The following CNP variants were observed in gnomAD, a reference collection of about 807,000 sequenced individuals.
The protein encoded by CNP is 2',3'-cyclic nucleotide 3' phosphodiesterase.
In CNP, 8 loss-of-function variants were observed where a neutral mutation model predicts 37.9. The ratio of observed to expected loss-of-function variants is 0.21; its 90% CI spans 0.12 to 0.38. CNP has a LOEUF of 0.38. Among genes scored for constraint, CNP ranks in the 10% least tolerant of loss-of-function variants. CNP has a pLI of 1.00. For missense variants in CNP, 457 were observed against 551.0 expected (o/e 0.83, Z 1.71); for synonymous variants, 237 against 238.3 (o/e 0.99, Z 0.05).
At chr17:41,971,835 C>T (rs913234568) in intron 2 of CNP, 57 bp from the exon 3 acceptor site, 21 of 1,600,956 alleles carry the variant, frequency 1.3e-5, no homozygotes, top group African/African-American at 8.1e-5. Flanking sequence ...GTCCTGGTGG[C>T]GGATGTTGGT....
Position 41,973,686 on chromosome 17 carries a change from A to C in CNP, c.1028A>C (p.Gln343Pro). 6.2e-7 allele frequency: 1 copy of C among 1,613,776 alleles called. No individual in the cohort carries two copies. The highest frequency in any genetic ancestry group is 8.5e-7 in the Non-Finnish European group (1 of 1,179,864). The part of the protein sequence containing the change: ...LGCAADVEAV[Q>P]TGLDLLEILR... ...TGTGCAGCTGACGTAGAGGCCGTGCAGACGGGCCTTGACCTCTTAGAGATT... is the reference window on the plus strand; with the variant it reads ...TGTGCAGCTGACGTAGAGGCCGTGCCGACGGGCCTTGACCTCTTAGAGATT... Residue 343 changes from glutamine to proline, a missense_variant, in exon 4 of 4, where the codon CAG becomes CCG. Gln to Pro is a moderately conservative substitution (Grantham distance 76). Around this residue, in one of 2 missense-constraint regions of CNP, gnomAD observed 291 missense variants for 291.7 expected, o/e 1.00. Transcript: ENST00000393892.
intron 2 of CNP, chr17:41,971,259 G>A (rs1555643752): frequency 1.3e-5 from 2 of 152,544 alleles, no homozygotes; most frequent in African/African-American, 4.8e-5. Flanking sequence ...CACTTCCCAT[G>A]ACTTGCTTCC....
At position 41,976,744 on chromosome 17, in the gene CNP, GA is replaced by G; in HGVS notation, c.*2826del. ...GTGGTTGCCCTTCATTAGCCAAATT[GA>G]AAAAAGAAATTCCCTGGACCAGATG... On this transcript the variant is annotated 3_prime_UTR_variant, in exon 4 of 4. Transcript: ENST00000393892. The G allele has an allele frequency of 6.2e-7, 1 of 1,608,918 alleles. No individual in the cohort carries two copies.
At chr17:41,972,107 G>A in intron 3 of CNP, 76 bp downstream of exon 3, 1 of 1,563,488 alleles carries the variant, frequency 6.4e-7, no homozygotes, top group East Asian at 2.3e-5. Flanking sequence ...CTGAAGATAG[G>A]TACCGGTGCC....
At position 41,968,673 on chromosome 17, in the gene CNP, C is replaced by A. The variant is rs1555643318; in HGVS notation, c.609C>A (p.Arg203=). ...FLTKKSSETL[R]KAGQVFLEEL... ...CCAAGAAGAGCTCTGAGACCCTCCGCAAAGCCGGCCAGGTCTTCCTGGAAG... is the reference window on the plus strand; with the variant it reads ...CCAAGAAGAGCTCTGAGACCCTCCGAAAAGCCGGCCAGGTCTTCCTGGAAG... Residue 203 remains arginine (R), a synonymous_variant, in exon 2 of 4, where the codon CGC becomes CGA. Transcript: ENST00000393892. The surrounding 1 kb of genome is among the most constrained non-coding windows in gnomAD (Gnocchi z 4.8). The A allele has an allele frequency of 1.2e-6, 2 of 1,614,106 alleles. No individual in the cohort carries two copies. Among genetic ancestry groups the A allele is most frequent in the Admixed American group, 1.7e-5 (1 of 60,016 alleles).
chr17:41,976,579 C>T lies in CNP; in HGVS notation c.*2655C>T, dbSNP rs2051085634. ...TCTTCGGCATTGGTTCCCTTTGCTC[C>T]ACCCCACTCACAGAGACACAGGGCA... On this transcript the variant is annotated 3_prime_UTR_variant, in exon 4 of 4. Coordinates refer to ENST00000393892, the MANE Select transcript of CNP (RefSeq NM_033133.5). 5.2e-6 allele frequency: 5 copies of T among 953,354 alleles called. No homozygotes were observed. Among genetic ancestry groups the T allele is most frequent in the Non-Finnish European group, 6.1e-6 (4 of 655,704 alleles). 59.1% of individuals were successfully genotyped at this position (953,354 alleles called of 1,614,324 possible). A position where few individuals can be genotyped will look rare whatever the true frequency, so the allele number is the denominator to read the frequency against.
chr17:41,969,435 T>C (rs530185285), intron 2 of CNP, among the ~76,000 whole-genome samples: 7 of 152,216 alleles, frequency 4.6e-5, no homozygotes, highest in South Asian at 2.1e-4. Flanking sequence ...GGCTTTTTGC[T>C]CCAATGATAG....
chr17:41,974,091 GCCCT>G lies in CNP; in HGVS notation c.*169_*172del. 1.8e-6 allele frequency: 1 copy of G among 557,834 alleles called. No homozygotes were observed. Among genetic ancestry groups the G allele is most frequent in the South Asian group, 4.1e-5 (1 of 24,312 alleles). 34.6% of individuals were successfully genotyped at this position (557,834 alleles called of 1,614,324 possible). On this transcript the variant is annotated 3_prime_UTR_variant, in exon 4 of 4. Transcript: ENST00000393892. ...AATAACTGACCCTCCCTTCCTGTCC[GCCCT>G]CTTCCCCTCTAATGCTCACGCTCCC...
chr17:41,971,863 C>G (rs1261811526), intron 2 of CNP, 29 bp from the exon 3 acceptor site: 9 of 1,613,342 alleles, frequency 5.6e-6, no homozygotes, highest in Non-Finnish European at 7.6e-6. Context: ...TGCTCCCCTG[C>G]CCTGACTGCA....
Position 41,968,520 on chromosome 17 carries a change from G to C in CNP, c.456G>C (p.Thr152=), listed in dbSNP as rs782194952. 6.2e-7 allele frequency: 1 copy of C among 1,614,132 alleles called. No homozygotes were observed. Among genetic ancestry groups the C allele is most frequent in the Non-Finnish European group, 8.5e-7 (1 of 1,180,032 alleles). ...QYQVVLVEPK[T]AWRLDCAQLK... ...AGGTGGTGCTGGTGGAGCCCAAGAC[G>C]GCGTGGCGGCTGGACTGTGCCCAGC... Residue 152 remains threonine (T), a synonymous_variant, in exon 2 of 4, where the codon ACG becomes ACC. Coordinates refer to ENST00000393892, the MANE Select transcript of CNP (RefSeq NM_033133.5). This position sits in a 1 kb window ranked among gnomAD's most constrained non-coding sequence, Gnocchi z 4.8.
intron 3 of CNP, among the ~76,000 whole-genome samples, chr17:41,973,037 G>A (rs542396363): frequency 7.9e-5 from 12 of 152,204 alleles, no homozygotes; most frequent in African/African-American, 2.7e-4. Flanking sequence ...GAAGCTGAGC[G>A]GTGCCAACAG....
Position 41,977,016 on chromosome 17 carries a change from C to G in CNP, c.*3092C>G. The G allele has an allele frequency of 1.6e-6, 1 of 642,956 alleles. No homozygotes were observed. The highest frequency in any genetic ancestry group is 2.7e-6 in the Non-Finnish European group (1 of 375,226). The allele number at this position is 642,956 out of a possible 1,614,324, so 39.8% of individuals were successfully genotyped here. A position where few individuals can be genotyped will look rare whatever the true frequency, so the allele number is the denominator to read the frequency against. On this transcript the variant is annotated 3_prime_UTR_variant, in exon 4 of 4. Coordinates refer to ENST00000393892, the MANE Select transcript of CNP (RefSeq NM_033133.5). ...TTGCTCTTGCAGAGAAGCCTTGGTA[C>G]TAGGCAGTTAGAGATGCCTCCCTGA...
At chr17:41,969,115 C>G (rs1036973148) in intron 2 of CNP, among the ~76,000 whole-genome samples, 1 of 152,150 alleles carries the variant, frequency 6.6e-6, no homozygotes, top group African/African-American at 2.4e-5. Context: ...GGAATCAAGC[C>G]CAGTGTTTTC....
In CNP at chr17:41,968,259, G is replaced by A. The variant is rs2050932650; in HGVS notation, c.195G>A (p.Thr65=). ...GCCTGCCAGGAAGCGGCAAGTCCAC[G>A]CTGGCACGGGTCATCGTGGACAAGT... ...LRGLPGSGKS[T]LARVIVDKYR... is the part of the protein sequence containing the mutation. Residue 65 remains threonine, a synonymous_variant, in exon 2 of 4, where the codon ACG becomes ACA. Coordinates refer to ENST00000393892, the MANE Select transcript of CNP (RefSeq NM_033133.5). This position sits in a 1 kb window ranked among gnomAD's most constrained non-coding sequence, Gnocchi z 4.8. The A allele has an allele frequency of 6.2e-7, 1 of 1,614,000 alleles. No homozygotes were observed. Among genetic ancestry groups the A allele is most frequent in the Admixed American group, 1.7e-5 (1 of 59,988 alleles).
In CNP at chr17:41,966,803, A is replaced by G. The variant is rs1376765157; in HGVS notation, c.-82A>G. The G allele has an allele frequency of 7.4e-6, 10 of 1,354,332 alleles. No individual in the cohort carries two copies. The highest frequency in any genetic ancestry group is 1.5e-5 in the African/African-American group (1 of 65,324). 83.9% of individuals were successfully genotyped at this position (1,354,332 alleles called of 1,614,324 possible). A position where few individuals can be genotyped will look rare whatever the true frequency, so the allele number is the denominator to read the frequency against. ...CGGGCTCGGGTCGTGCCACCGCTGG[A>G]CTCCCGTGTCCCTCCGCGCAGGCGG... On this transcript the variant is annotated 5_prime_UTR_variant, in exon 1 of 4. Transcript: ENST00000393892.
Position 41,976,533 on chromosome 17 carries a change from G to C in CNP, c.*2609G>C. On this transcript the variant is annotated 3_prime_UTR_variant, in exon 4 of 4. Transcript: ENST00000393892. ...ACAAGCTGCCTCCCTGTCCACCCCC[G>C]CCTCCCTCCCCTGCCCTCGGTCTTC... 170 of 388,234 alleles carry C rather than the reference G, an allele frequency of 4.4e-4. No individual in the cohort carries two copies. Among genetic ancestry groups the C allele is most frequent in the East Asian group, 9.9e-4 (14 of 14,094 alleles). The allele number at this position is 388,234 out of a possible 1,614,324, so 24.0% of individuals were successfully genotyped here. A position where few individuals can be genotyped will look rare whatever the true frequency, so the allele number is the denominator to read the frequency against.
Position 41,968,516 on chromosome 17 carries a change from A to G in CNP, c.452A>G (p.Lys151Arg). Residue 151 changes from lysine to arginine, a missense_variant, in exon 2 of 4, where the codon AAG becomes AGG. By Grantham distance (26) the Lys-to-Arg change is conservative (BLOSUM62 2). This residue lies in a region of CNP where 166 missense variants were observed against 259.3 expected (regional missense o/e 0.64). Coordinates refer to ENST00000393892, the MANE Select transcript of CNP (RefSeq NM_033133.5). This position sits in a 1 kb window ranked among gnomAD's most constrained non-coding sequence, Gnocchi z 4.8. ...TACCAGGTGGTGCTGGTGGAGCCCA[A>G]GACGGCGTGGCGGCTGGACTGTGCC... is the stretch of plus-strand genomic sequence containing the variant. Reference protein sequence around the residue: ...YQYQVVLVEPKTAWRLDCAQL... With the variant: ...YQYQVVLVEPRTAWRLDCAQL... 1 of 1,614,166 alleles carries G rather than the reference A, an allele frequency of 6.2e-7. No individual in the cohort carries two copies. The highest frequency in any genetic ancestry group is 8.5e-7 in the Non-Finnish European group (1 of 1,180,032).
chr17:41,976,461 C>CT lies in CNP; in HGVS notation c.*2547dup, dbSNP rs71705091. The CT allele has an allele frequency of 0.69, 232,573 of 335,446 alleles. 74,838 individuals are homozygous for CT. Among genetic ancestry groups the CT allele is most frequent in the Admixed American group, 0.82 (15,604 of 19,034 alleles). The allele number at this position is 335,446 out of a possible 1,614,324, so 20.8% of individuals were successfully genotyped here. ...AGGAAGGGTCAAAACATTTTATTCT[C>CT]TTTTTTTTTTCTTTTTTAATAAAGT... On this transcript the variant is annotated 3_prime_UTR_variant, in exon 4 of 4. Transcript: ENST00000393892.
intron 2 of CNP, among the ~76,000 whole-genome samples, chr17:41,969,033 G>T (rs1429490904): frequency 6.6e-6 from 1 of 152,112 alleles, no homozygotes; most frequent in Non-Finnish European, 1.5e-5. Context: ...ACTGTCCCTT[G>T]TCTTGGAGGT....
Sources: allele counts gnomAD v4.1 joint callset (sites outside exome capture counted in the v4.1 genomes callset), GRCh38; gene constraint gnomAD v4.1.1; regional missense constraint gnomAD v4.1.1; non-coding constraint Gnocchi (gnomAD v3.1); transcripts MANE v1.5; gene names NCBI Gene and HGNC (gene_info 2026-07-23, HGNC 2026-07-21).